HDAC8: variants seen among roughly 807,000 people sequenced by gnomAD.
HDAC8 encodes histone deacetylase-like 1.
A neutral mutation model predicts 32.2 loss-of-function variants in HDAC8; 1 was observed. The observed-to-expected ratio is 0.03, with a 90% CI of 0.01 to 0.15. The LOEUF is 0.15. HDAC8 is among the 10% of genes least tolerant of loss of function. The pLI, the probability that HDAC8 is intolerant of heterozygous loss-of-function variation, is 1.00. For synonymous variants in HDAC8, 108 were observed against 113.9 expected, an observed-to-expected ratio of 0.95 and a Z score of 0.33; for missense variants, 117 against 300.0, an observed-to-expected ratio of 0.39 and a Z score of 4.51.
intron 10 of HDAC8, among the ~76,000 whole-genome samples, chrX:72,346,023 A>G (rs1555946835): frequency 9.0e-6 from 1 of 111,510 alleles, no homozygotes; most frequent in East Asian, 2.8e-4. Context: ...TTTGTAACTT[A>G]TTTTTCTGTT....
At chrX:72,572,596 A>AGCGCCCCC in intron 1 of HDAC8, 55 bp downstream of exon 1, 5 of 316,317 alleles carry the variant, frequency 1.6e-5, no homozygotes, top group Non-Finnish European at 2.8e-5. Flanking sequence ...TCTTTCGTCC[A>AGCGCCCCC]CCGCCCCCAC....
intron 2 of HDAC8, among the ~76,000 whole-genome samples, chrX:72,571,593 T>G (rs1441244591): frequency 3.3e-5 from 3 of 91,029 alleles, no homozygotes; most frequent in African/African-American, 1.2e-4. Flanking sequence ...TGAGACGGAG[T>G]TTCACTCTTG....
chrX:72,463,747 C>T (rs782394361), intron 8 of HDAC8, among the ~76,000 whole-genome samples: 1 of 111,728 alleles, frequency 9.0e-6, no homozygotes, highest in African/African-American at 3.2e-5. Flanking sequence ...AATAAGGCCT[C>T]CCCACAATTT....
intron 4 of HDAC8, among the ~76,000 whole-genome samples, chrX:72,535,883 C>T (rs1387250843): frequency 8.9e-6 from 1 of 111,874 alleles, no homozygotes; most frequent in Non-Finnish European, 1.9e-5. Context: ...AGTTGGAGCA[C>T]ACCCGTACTT....
Position 72,496,691 on chromosome X carries a change from G to A in HDAC8, c.438-1423C>T, listed in dbSNP as rs190163606. Among the ~76,000 whole-genome samples the A allele has an allele frequency of 5.5e-5, 6 of 109,385 alleles. No homozygotes were observed. In the Admixed American group the frequency reaches 5.9e-4, roughly 11 times the overall value. The allele number at this position is 109,385 out of a possible 115,157, so 95.0% of individuals were successfully genotyped here. A position where few individuals can be genotyped will look rare whatever the true frequency, so the allele number is the denominator to read the frequency against. Reference sequence around the variant, plus strand: ...CTAAGTGCTAGGCAAAAAGAGGAGAGAGATGTGGAGGAAGAGTACAAATCA... The same window carrying A: ...CTAAGTGCTAGGCAAAAAGAGGAGAAAGATGTGGAGGAAGAGTACAAATCA... On this transcript the variant is annotated intron_variant, in intron 4 of 10. Transcript: ENST00000373573.
intron 4 of HDAC8, among the ~76,000 whole-genome samples, chrX:72,507,493 G>A (rs1556019641): frequency 1.8e-5 from 2 of 111,755 alleles, no homozygotes. Flanking sequence ...TTAACCACAA[G>A]TGACCATCCT....
intron 3 of HDAC8, among the ~76,000 whole-genome samples, chrX:72,568,521 G>A (rs1446244447): frequency 8.9e-6 from 1 of 112,472 alleles, no homozygotes; most frequent in Non-Finnish European, 1.9e-5. Flanking sequence ...GACCAGATCT[G>A]AGCACTGCCA....
chrX:72,456,261 A>T (rs1335892659), intron 9 of HDAC8, among the ~76,000 whole-genome samples: 1 of 111,848 alleles, frequency 8.9e-6, no homozygotes, highest in Non-Finnish European at 1.9e-5. Flanking sequence ...TATTTGTGCT[A>T]ATATATGCTG....
chrX:72,548,319 G>A (rs1482790459), intron 4 of HDAC8, among the ~76,000 whole-genome samples: 1 of 110,970 alleles, frequency 9.0e-6, no homozygotes, highest in Non-Finnish European at 1.9e-5. Context: ...TTTAAAATTC[G>A]GTGATTCCAA....
chrX:72,431,114 A>C, intron 9 of HDAC8, among the ~76,000 whole-genome samples: 1 of 110,427 alleles, frequency 9.1e-6, no homozygotes, highest in Admixed American at 9.7e-5. Context: ...TGGCCTCACA[A>C]CCAGCCTAGA....
intron 10 of HDAC8, among the ~76,000 whole-genome samples, chrX:72,332,509 C>T (rs1435525563): frequency 9.0e-6 from 1 of 111,057 alleles, no homozygotes; most frequent in Non-Finnish European, 1.9e-5. Flanking sequence ...TCTCAATTTG[C>T]ATTTTCCCAA....
chrX:72,469,365 C>T (rs192069973), intron 7 of HDAC8, among the ~76,000 whole-genome samples: 14 of 111,164 alleles, frequency 1.3e-4, no homozygotes, highest in African/African-American at 4.2e-4. Context: ...TTTTTGTTGC[C>T]CAGCCTAGAC....
intron 9 of HDAC8, among the ~76,000 whole-genome samples, chrX:72,406,604 T>G (rs1473009088): frequency 1.8e-5 from 2 of 112,095 alleles, no homozygotes; most frequent in African/African-American, 6.5e-5. Flanking sequence ...ATATTCAGAC[T>G]CCAAACCTAG....
At chrX:72,560,387 A>G (rs1246549036) in intron 4 of HDAC8, among the ~76,000 whole-genome samples, 10 of 106,783 alleles carry the variant, frequency 9.4e-5, no homozygotes, top group Middle Eastern at 4.8e-3. Context: ...AGTCATCACC[A>G]CTCCCTAATC....
chrX:72,401,816 T>A (rs782775746), intron 9 of HDAC8, among the ~76,000 whole-genome samples: 1 of 112,557 alleles, frequency 8.9e-6, no homozygotes, highest in Non-Finnish European at 1.9e-5. Flanking sequence ...CTGTTTTGGT[T>A]ACTGTAGCTT....
At chrX:72,443,213 C>A (rs2047231882) in intron 9 of HDAC8, among the ~76,000 whole-genome samples, 1 of 110,474 alleles carries the variant, frequency 9.1e-6, no homozygotes, top group South Asian at 3.9e-4. Context: ...ACTCTCCACC[C>A]CAAATCAACA....
chrX:72,401,129 G>A (rs2045890119), intron 9 of HDAC8, among the ~76,000 whole-genome samples: 1 of 112,321 alleles, frequency 8.9e-6, no homozygotes, highest in Non-Finnish European at 1.9e-5. Flanking sequence ...GTAACTCTAT[G>A]TTCAACCTTT....
intron 7 of HDAC8, among the ~76,000 whole-genome samples, chrX:72,466,183 C>T (rs1427866779): frequency 2.7e-5 from 3 of 111,177 alleles, no homozygotes; most frequent in Non-Finnish European, 5.7e-5. Context: ...AGGTTTCTAG[C>T]TTAAGGAGGA....
chrX:72,558,359 C>T (rs1397834027), intron 4 of HDAC8, among the ~76,000 whole-genome samples: 1 of 111,678 alleles, frequency 9.0e-6, no homozygotes, highest in African/African-American at 3.3e-5. Flanking sequence ...TGAACCAAAT[C>T]CAACAGGATA....
Sources: allele counts gnomAD v4.1 joint callset (sites outside exome capture counted in the v4.1 genomes callset), GRCh38; gene constraint gnomAD v4.1.1; transcripts MANE v1.5; gene names NCBI Gene and HGNC (gene_info 2026-07-23, HGNC 2026-07-21).